GAB2: variants seen among roughly 807,000 people sequenced by gnomAD.
GAB2 encodes GRB2 associated binding protein 2.
In GAB2, 26 loss-of-function variants were observed where a neutral mutation model predicts 65.5. The observed-to-expected ratio is 0.40, with a 90% CI of 0.29 to 0.55. GAB2 has a LOEUF of 0.55. GAB2 is among the 20% of genes least tolerant of loss of function. GAB2 has a pLI of 0.53. For synonymous variants in GAB2, 321 were observed against 329.6 expected (o/e 0.97, Z 0.28); for missense variants, 884 against 875.8 (o/e 1.01, Z -0.12).
chr11:78,257,100 C>T (rs1349321478), intron 2 of GAB2, among the ~76,000 whole-genome samples: 2 of 152,136 alleles, frequency 1.3e-5, no homozygotes, highest in East Asian at 3.9e-4. Context: ...GCCTGCCCAG[C>T]ATACAAACAC....
chr11:78,401,704 A>G, intron 1 of GAB2, among the ~76,000 whole-genome samples: 1 of 152,126 alleles, frequency 6.6e-6, no homozygotes, highest in East Asian at 1.9e-4. Context: ...TGTGATATGT[A>G]TATGTGTGTA....
intron 1 of GAB2, among the ~76,000 whole-genome samples, chr11:78,312,749 GA>G (rs1017433227): frequency 6.6e-6 from 1 of 152,140 alleles, no homozygotes; most frequent in Non-Finnish European, 1.5e-5. Flanking sequence ...TTTTAAAGAT[GA>G]AGAAACTGGG....
chr11:78,241,220 G>A (rs1372167320), intron 3 of GAB2, among the ~76,000 whole-genome samples: 9 of 152,236 alleles, frequency 5.9e-5, no homozygotes, highest in African/African-American at 2.2e-4. Flanking sequence ...CAAAGAAGCT[G>A]CATGGAGACT....
intron 1 of GAB2, among the ~76,000 whole-genome samples, chr11:78,285,919 T>C (rs1384827576): frequency 6.6e-6 from 1 of 152,222 alleles, no homozygotes; most frequent in Non-Finnish European, 1.5e-5. Flanking sequence ...TTTCAAGGCA[T>C]GTCAGTTTTT....
At position 78,220,304 on chromosome 11, in the gene GAB2, C is replaced by T. The variant is rs777951216; in HGVS notation, c.1887+15G>A. On this transcript the variant is annotated intron_variant, in intron 9 of 9. Transcript: ENST00000361507. Reference sequence around the variant, plus strand: ...CTGAGAGCTCTTACTGCCCCCCCAACTCTACTCCAGGCACCTTGCGGTGGG... The same window carrying T: ...CTGAGAGCTCTTACTGCCCCCCCAATTCTACTCCAGGCACCTTGCGGTGGG... 1.2e-6 allele frequency: 2 copies of T among 1,612,018 alleles called. No individual in the cohort carries two copies. Among genetic ancestry groups the T allele is most frequent in the East Asian group, 2.2e-5 (1 of 44,844 alleles).
intron 1 of GAB2, among the ~76,000 whole-genome samples, chr11:78,367,676 CA>C (rs146319499): frequency 0.012 from 1,870 of 152,250 alleles, 31 homozygotes; most frequent in African/African-American, 0.043. Context: ...GAGATGCAGT[CA>C]CTTCATATAG....
At position 78,281,004 on chromosome 11, in the gene GAB2, A is replaced by G. The variant is rs1397713028; in HGVS notation, c.76-103T>C. ...GGTCTTGCCCTGTTGCCCAGGCTGG[A>G]GTGCAGTGGCACAATCAAAGCTCAC... On this transcript the variant is annotated intron_variant, in intron 1 of 9. Coordinates refer to ENST00000361507, the MANE Select transcript of GAB2 (RefSeq NM_080491.3). 1.1e-5 allele frequency: 10 copies of G among 895,870 alleles called. No individual in the cohort carries two copies. The East Asian group carries it at 2.5e-4, about 22-fold the overall frequency. The allele number at this position is 895,870 out of a possible 1,614,324, so 55.5% of individuals were successfully genotyped here.
At chr11:78,356,307 C>T (rs755733459) in intron 1 of GAB2, among the ~76,000 whole-genome samples, 15 of 152,050 alleles carry the variant, frequency 9.9e-5, no homozygotes, top group Non-Finnish European at 2.1e-4. Flanking sequence ...GATATTGGGG[C>T]ACTTGAGGGT....
intron 1 of GAB2, among the ~76,000 whole-genome samples, chr11:78,321,410 C>G (rs889127379): frequency 1.3e-5 from 2 of 152,130 alleles, no homozygotes; most frequent in Admixed American, 6.5e-5. Context: ...TACTTTTTGG[C>G]TGAATTACCT....
chr11:78,308,160 G>A (rs1389672347), intron 1 of GAB2, among the ~76,000 whole-genome samples: 1 of 152,120 alleles, frequency 6.6e-6, no homozygotes, highest in Non-Finnish European at 1.5e-5. Flanking sequence ...TTAAAACAGG[G>A]AGAGAGAGTA....
chr11:78,394,089 C>A (rs1237461844), intron 1 of GAB2, among the ~76,000 whole-genome samples: 5 of 152,098 alleles, frequency 3.3e-5, no homozygotes, highest in Non-Finnish European at 5.9e-5. Flanking sequence ...GAGATCAAGA[C>A]CATCTTGGCC....
intron 1 of GAB2, among the ~76,000 whole-genome samples, chr11:78,301,857 G>A (rs1302208598): frequency 6.6e-6 from 1 of 152,066 alleles, no homozygotes; most frequent in Non-Finnish European, 1.5e-5. Context: ...TAGACCAATG[G>A]AACACAATAG....
chr11:78,366,234 T>C (rs1016067730), intron 1 of GAB2, among the ~76,000 whole-genome samples: 2 of 152,084 alleles, frequency 1.3e-5, no homozygotes, highest in East Asian at 1.9e-4. Context: ...TTCTTAATGA[T>C]AGGGAAATCA....
At chr11:78,384,390 T>A (rs1180585706) in intron 1 of GAB2, among the ~76,000 whole-genome samples, 1 of 152,224 alleles carries the variant, frequency 6.6e-6, no homozygotes, top group Non-Finnish European at 1.5e-5. Flanking sequence ...ATGAAGCAAC[T>A]GAACCGCTTG....
chr11:78,405,591 C>T (rs773201460), intron 1 of GAB2, among the ~76,000 whole-genome samples: 1 of 152,296 alleles, frequency 6.6e-6, no homozygotes, highest in South Asian at 2.1e-4. Flanking sequence ...CAAGACCATA[C>T]ACAGTGGGTA....
chr11:78,302,186 T>C (rs1867041214), intron 1 of GAB2, among the ~76,000 whole-genome samples: 1 of 151,998 alleles, frequency 6.6e-6, no homozygotes, highest in Non-Finnish European at 1.5e-5. Context: ...CAAAGATAAA[T>C]AGCTGGGACT....
intron 4 of GAB2, among the ~76,000 whole-genome samples, chr11:78,225,756 C>T (rs1369459428): frequency 6.6e-6 from 1 of 152,202 alleles, no homozygotes; most frequent in Admixed American, 6.5e-5. Context: ...CTATTTAAGT[C>T]TCTTAACTGT....
intron 2 of GAB2, among the ~76,000 whole-genome samples, chr11:78,272,049 T>C (rs546267939): frequency 8.5e-4 from 129 of 152,392 alleles, no homozygotes; most frequent in African/African-American, 3.0e-3. Context: ...TCTGCCATCA[T>C]TGTGAGGCCT....
intron 1 of GAB2, among the ~76,000 whole-genome samples, chr11:78,360,568 A>G (rs551733577): frequency 4.1e-4 from 63 of 151,944 alleles, no homozygotes; most frequent in Non-Finnish European, 7.8e-4. Context: ...TAAAAACACC[A>G]TTTTTTTGGC....
Sources: allele counts gnomAD v4.1 joint callset (sites outside exome capture counted in the v4.1 genomes callset), GRCh38; gene constraint gnomAD v4.1.1; transcripts MANE v1.5; gene names NCBI Gene and HGNC (gene_info 2026-07-23, HGNC 2026-07-21).